TBC1D30: variants seen among roughly 807,000 people sequenced by gnomAD.
The protein encoded by TBC1D30 is TBC1 domain family member 30.
TBC1D30 carries 31 observed loss-of-function variants against 63.2 expected under a neutral mutation model. That is an observed-to-expected ratio of 0.49 (90% CI 0.37 to 0.66). TBC1D30 has a LOEUF of 0.66. Among genes scored for constraint, TBC1D30 ranks in the 30% least tolerant of loss-of-function variants. The pLI, the probability that TBC1D30 is intolerant of heterozygous loss-of-function variation, is 0.00. For synonymous variants in TBC1D30, 307 were observed against 361.5 expected (o/e 0.85, Z 1.71); for missense variants, 810 against 953.6 (o/e 0.85, Z 1.98).
chr12:64,774,389 C>T (rs1871005120), intron 1 of TBC1D30, among the ~76,000 whole-genome samples: 1 of 152,186 alleles, frequency 6.6e-6, no homozygotes, highest in Non-Finnish European at 1.5e-5. Flanking sequence ...TCCCTGAGAA[C>T]TTCCCCAACC....
At chr12:64,841,187 G>T (rs1473525152) in intron 7 of TBC1D30, among the ~76,000 whole-genome samples, 2 of 152,182 alleles carry the variant, frequency 1.3e-5, no homozygotes, top group East Asian at 3.9e-4. Context: ...GTAATCTCCA[G>T]TTTATGTACA....
At chr12:64,843,149 AG>A (rs1031797724) in intron 7 of TBC1D30, among the ~76,000 whole-genome samples, 24 of 152,296 alleles carry the variant, frequency 1.6e-4, no homozygotes, top group African/African-American at 5.8e-4. Flanking sequence ...CTAGGACCAC[AG>A]GTGTGCGCCA....
chr12:64,835,242 C>T (rs1375718059), intron 5 of TBC1D30, among the ~76,000 whole-genome samples: 1 of 152,176 alleles, frequency 6.6e-6, no homozygotes, highest in African/African-American at 2.4e-5. Context: ...GTCTGGCCAC[C>T]TTACAGCAAA....
chr12:64,851,187 GTCTGTCTATTTTGTTAA>G lies in TBC1D30; in HGVS notation c.1038+7706_1038+7722del, dbSNP rs535312490. On this transcript the variant is annotated intron_variant, in intron 8 of 11. Transcript: ENST00000539867. ...TTCTTCTTTATTAGTCTGGCTAGCG[GTCTGTCTATTTTGTTAA>G]TCTTTTCAAAAAACCACCTCCTGGA... is the stretch of plus-strand genomic sequence containing the variant. 2.7e-3 allele frequency among the ~76,000 whole-genome samples: 418 copies of G among 152,082 alleles called. 3 individuals are homozygous for G. The highest frequency in any genetic ancestry group is 0.011 in the South Asian group (51 of 4,814).
At chr12:64,813,027 G>C (rs1873304695) in intron 2 of TBC1D30, among the ~76,000 whole-genome samples, 1 of 152,140 alleles carries the variant, frequency 6.6e-6, no homozygotes, top group African/African-American at 2.4e-5. Flanking sequence ...GAGCAAAGAA[G>C]CTTGGGTGAC....
At chr12:64,848,801 T>G (rs1187586560) in intron 8 of TBC1D30, among the ~76,000 whole-genome samples, 2 of 152,200 alleles carry the variant, frequency 1.3e-5, no homozygotes, top group Non-Finnish European at 2.9e-5. Flanking sequence ...GTAATGGGAT[T>G]GCTGGGTCAA....
chr12:64,833,074 T>G (rs949917060), intron 5 of TBC1D30, among the ~76,000 whole-genome samples: 5 of 152,170 alleles, frequency 3.3e-5, no homozygotes, highest in Non-Finnish European at 7.3e-5. Flanking sequence ...TCAGGGGTCA[T>G]GTTAGAACTG....
chr12:64,780,991 C>T (rs1468658146), exon 1 of TBC1D30: 3 of 1,052,886 alleles, frequency 2.8e-6, no homozygotes, highest in African/African-American at 1.7e-5. Context: ...CGTGGGACGG[C>T]GATGAGGACA....
chr12:64,767,773 A>T (rs1404286805), intron 1 of TBC1D30, among the ~76,000 whole-genome samples: 1 of 101,390 alleles, frequency 9.9e-6, no homozygotes, highest in Non-Finnish European at 1.9e-5. Context: ...CCTTGATAAG[A>T]TACACATGCT....
At chr12:64,867,026 A>G in intron 10 of TBC1D30, 123 bp downstream of exon 10, 1 of 1,126,708 alleles carries the variant, frequency 8.9e-7, no homozygotes, top group Non-Finnish European at 1.2e-6. Context: ...AAAAGTCTTT[A>G]TTAGGCTAGT....
At chr12:64,874,786 C>T (rs1419057078) in intron 11 of TBC1D30, among the ~76,000 whole-genome samples, 1 of 152,128 alleles carries the variant, frequency 6.6e-6, no homozygotes, top group Non-Finnish European at 1.5e-5. Flanking sequence ...ACCCTGTGGT[C>T]CCTTCCTCTT....
In TBC1D30 at chr12:64,879,692, A is replaced by T. The variant is rs1425589367; in HGVS notation, c.*3904A>T. Reference sequence around the variant, plus strand: ...ACTTTTAAAAGAAGCATTAAGTAAGATGTTGAGGTTTCTGGTAGGTGCCTA... The same window carrying T: ...ACTTTTAAAAGAAGCATTAAGTAAGTTGTTGAGGTTTCTGGTAGGTGCCTA... On this transcript the variant is annotated 3_prime_UTR_variant, in exon 12 of 12. Coordinates refer to ENST00000539867, the MANE Select transcript of TBC1D30 (RefSeq NM_015279.2). 6.6e-6 allele frequency: 1 copy of T among 152,212 alleles called. No individual in the cohort carries two copies. The highest frequency in any genetic ancestry group is 1.5e-5 in the Non-Finnish European group (1 of 68,036). 9.4% of individuals were successfully genotyped at this position (152,212 alleles called of 1,614,324 possible).
chr12:64,879,336 A>G lies in TBC1D30; in HGVS notation c.*3548A>G, dbSNP rs1182351515. 2 of 152,222 alleles carry G rather than the reference A, an allele frequency of 1.3e-5. No individual in the cohort carries two copies. The highest frequency in any genetic ancestry group is 3.8e-4 in the East Asian group (2 of 5,202). 9.4% of individuals were successfully genotyped at this position (152,222 alleles called of 1,614,324 possible). ...TCACATAACCAGTACCTTGTCAAAT[A>G]GGAGGTTTCTGATTAGATAGTAGTA... is the stretch of plus-strand genomic sequence containing the variant. On this transcript the variant is annotated 3_prime_UTR_variant, in exon 12 of 12. Coordinates refer to ENST00000539867, the MANE Select transcript of TBC1D30 (RefSeq NM_015279.2).
chr12:64,761,825 T>C (rs148781856), intron 1 of TBC1D30, among the ~76,000 whole-genome samples: 452 of 152,342 alleles, frequency 3.0e-3, no homozygotes, highest in African/African-American at 0.01. Context: ...CTTTACTCTA[T>C]GGTCTTGTCC....
rs1306186681 is a variant in TBC1D30 at position 64,824,794 on chromosome 12, C to T, written c.-86C>T. On this transcript the variant is annotated 5_prime_UTR_variant, in exon 1 of 12. Transcript: ENST00000539867. ...GGCCGGTCAGCCGCAGACACTCACC[C>T]AGCTCCGCGAGCTCAGCCGCTCAGC... The T allele has an allele frequency of 2.7e-6, 4 of 1,472,750 alleles. No individual in the cohort carries two copies. The highest frequency in any genetic ancestry group is 2.1e-5 in the Admixed American group (1 of 47,250). The allele number at this position is 1,472,750 out of a possible 1,614,324, so 91.2% of individuals were successfully genotyped here.
At chr12:64,820,337 G>A (rs1873816425), upstream of TBC1D30, among the ~76,000 whole-genome samples, 1 of 152,148 alleles carries the variant, frequency 6.6e-6, no homozygotes, top group Non-Finnish European at 1.5e-5. Flanking sequence ...TTCCCAGCAT[G>A]TAGGCCTGAA....
At chr12:64,865,924 C>T (rs1209462778) in intron 9 of TBC1D30, among the ~76,000 whole-genome samples, 1 of 152,172 alleles carries the variant, frequency 6.6e-6, no homozygotes, top group Non-Finnish European at 1.5e-5. Context: ...CATGATTGTG[C>T]AGTGGTACAA....
Position 64,824,943 on chromosome 12 carries a change from G to T in TBC1D30, c.64G>T (p.Gly22Cys). The change falls in exon 1 of 12, where the codon GGC becomes TGC. Residue 22 changes from glycine (G) to cysteine (C), a missense_variant. Coordinates refer to ENST00000539867, the MANE Select transcript of TBC1D30 (RefSeq NM_015279.2). ...RGGRCLKRQG[G>C]GVGTILSNVL... ...GGGGAGATGCCTGAAGCGGCAGGGC[G>T]GCGGCGTGGGCACCATCCTGAGCAA... 1.3e-6 allele frequency: 2 copies of T among 1,534,690 alleles called. No homozygotes were observed. Among genetic ancestry groups the T allele is most frequent in the Non-Finnish European group, 1.7e-6 (2 of 1,146,588 alleles).
intron 2 of TBC1D30, among the ~76,000 whole-genome samples, chr12:64,792,189 G>A (rs566356352): frequency 1.6e-4 from 25 of 152,222 alleles, no homozygotes; most frequent in Non-Finnish European, 2.8e-4. Context: ...GTAAACAAAG[G>A]TGTATACATG....
Sources: allele counts gnomAD v4.1 joint callset (sites outside exome capture counted in the v4.1 genomes callset), GRCh38; gene constraint gnomAD v4.1.1; transcripts MANE v1.5; gene names NCBI Gene and HGNC (gene_info 2026-07-23, HGNC 2026-07-21).